The following ARHGEF11 variants were observed in gnomAD, a reference collection of about 807,000 sequenced individuals.
The protein encoded by ARHGEF11 is Rho guanine exchange factor (GEF) 11.
ARHGEF11 carries 55 observed loss-of-function variants against 193.7 expected under a neutral mutation model. The observed-to-expected ratio is 0.28, with a 90% CI of 0.23 to 0.36. The LOEUF is 0.36. Among genes scored for constraint, ARHGEF11 ranks in the 10% least tolerant of loss-of-function variants. ARHGEF11 has a pLI of 1.00. For missense variants in ARHGEF11, 1,723 were observed against 2,005.6 expected (o/e 0.86, Z 2.69); for synonymous variants, 693 against 768.0 (o/e 0.90, Z 1.62).
At chr1:157,002,200 C>T (rs1667299955) in intron 1 of ARHGEF11, among the ~76,000 whole-genome samples, 1 of 152,126 alleles carries the variant, frequency 6.6e-6, no homozygotes, top group Non-Finnish European at 1.5e-5. Context: ...AATGGACCAC[C>T]TCGAACAGGG....
rs533294460 is a variant in ARHGEF11, at chr1:156,957,803, C to T, written c.1515G>A (p.Glu505=). The T allele has an allele frequency of 1.0e-4, 167 of 1,614,118 alleles. 1 individual carries two copies. The South Asian group carries it at 1.8e-3, about 17-fold the overall frequency. The change falls in exon 18 of 41, where the codon GAG becomes GAA. Residue 505 remains glutamate, a synonymous_variant. Transcript: ENST00000368194. ...AALGDILSKY[E]EDRSAPMDFA... is the part of the protein sequence containing the mutation. ...ATAGACTTGCTTACCTCCTGTCTTC[C>T]TCATACTTGGACCTGGAATGGAAGA...
intron 25 of ARHGEF11, 143 bp downstream of exon 25, chr1:156,947,626 T>C (rs1393185036): frequency 1.5e-6 from 2 of 1,336,750 alleles, no homozygotes; most frequent in African/African-American, 1.5e-5. Context: ...AGGGGAACCT[T>C]ATAGCAACAG....
At chr1:156,970,396 T>C (rs903204835) in intron 8 of ARHGEF11, among the ~76,000 whole-genome samples, 12 of 152,062 alleles carry the variant, frequency 7.9e-5, no homozygotes, top group Admixed American at 3.3e-4. Context: ...ATATAAAAGG[T>C]TTACCTTTGG....
At chr1:157,022,219 G>A (rs1670067980) in intron 1 of ARHGEF11, among the ~76,000 whole-genome samples, 2 of 152,276 alleles carry the variant, frequency 1.3e-5, no homozygotes, top group South Asian at 2.1e-4. Flanking sequence ...AGCCATCCAC[G>A]TGGGAAAGGA....
chr1:156,948,410 G>T lies in ARHGEF11; in HGVS notation c.2014C>A (p.Arg672Ser). Residue 672 changes from arginine to serine, a missense_variant, in exon 23 of 41, where the codon CGC (arginine) becomes AGC (serine). Transcript: ENST00000368194. This position sits in a 1 kb window ranked among gnomAD's most constrained non-coding sequence, Gnocchi z 4.2. ...KRSRKAENVP[R>S]SRSDVDMDAA... is the part of the protein sequence containing the mutation. ...TCCATGTCAACATCACTGCGAGAGC[G>T]GGGCACGTTCTCTGCCTTTCGAGAC... is the stretch of plus-strand genomic sequence containing the variant. 1 of 1,614,224 alleles carries T rather than the reference G, an allele frequency of 6.2e-7. No homozygotes were observed. The highest frequency in any genetic ancestry group is 8.5e-7 in the Non-Finnish European group (1 of 1,180,044).
At chr1:156,961,888 G>A (rs769383845) in intron 13 of ARHGEF11, 113 bp from the exon 14 acceptor site, 92 of 853,990 alleles carry the variant, frequency 1.1e-4, no homozygotes, top group Non-Finnish European at 1.7e-4. Flanking sequence ...CAACTACTGG[G>A]CAAGTGCGGT....
chr1:156,976,950 C>G (rs373954945), intron 7 of ARHGEF11, 33 bp downstream of exon 7: 123 of 1,578,882 alleles, frequency 7.8e-5, no homozygotes, highest in Non-Finnish European at 1.0e-4. Context: ...TTCACTCAGG[C>G]AATGGCCAGT....
intron 7 of ARHGEF11, among the ~76,000 whole-genome samples, chr1:156,975,016 T>C (rs1049152586): frequency 2.0e-5 from 3 of 152,218 alleles, no homozygotes; most frequent in African/African-American, 7.2e-5. Flanking sequence ...TCAATTCTCT[T>C]GGATATATAC....
chr1:157,030,223 C>T (rs915362574), intron 1 of ARHGEF11, among the ~76,000 whole-genome samples: 1 of 152,182 alleles, frequency 6.6e-6, no homozygotes, highest in African/African-American at 2.4e-5. Context: ...CCATTTACTA[C>T]ACAGTCCCAG....
At chr1:156,996,164 A>C (rs1666457878) in intron 1 of ARHGEF11, among the ~76,000 whole-genome samples, 1 of 152,196 alleles carries the variant, frequency 6.6e-6, no homozygotes, top group Non-Finnish European at 1.5e-5. Flanking sequence ...GGAGAGTACC[A>C]CTGGTGACCC....
chr1:157,037,109 C>G (rs1326967466), intron 1 of ARHGEF11, among the ~76,000 whole-genome samples: 1 of 152,102 alleles, frequency 6.6e-6, no homozygotes, highest in Admixed American at 6.6e-5. Context: ...GCCTGCGTAA[C>G]AAGAGCAAAA....
rs1440429701 is a variant in ARHGEF11, at chr1:156,947,395, G to A, written c.2397C>T (p.Ile799=). The change falls in exon 26 of 41, where the codon ATC becomes ATT. Residue 799 remains isoleucine (I), a synonymous_variant. Coordinates refer to ENST00000368194, the MANE Select transcript of ARHGEF11 (RefSeq NM_198236.3). ...TCTCCTTCTTCATTCGCTGGTAGAAGATCAGGTCCAGGACCCGGAGTGTGC... is the reference window on the plus strand; with the variant it reads ...TCTCCTTCTTCATTCGCTGGTAGAAAATCAGGTCCAGGACCCGGAGTGTGC... ...HLRTLRVLDL[I]FYQRMKKENL... is the part of the protein sequence containing the mutation. The A allele has an allele frequency of 1.2e-6, 2 of 1,614,040 alleles. No individual in the cohort carries two copies. The highest frequency in any genetic ancestry group is 1.7e-5 in the Admixed American group (1 of 60,002).
At chr1:156,945,782 C>T (rs1178385770) in intron 29 of ARHGEF11, 1 of 395,864 alleles carries the variant, frequency 2.5e-6, no homozygotes, top group South Asian at 3.4e-5. Context: ...TGTTGGGCAC[C>T]GGATGCTTTC....
intron 37 of ARHGEF11, 158 bp from the exon 38 acceptor site, chr1:156,938,671 A>T (rs374735602): frequency 2.9e-5 from 17 of 596,358 alleles, no homozygotes; most frequent in African/African-American, 2.2e-4. Context: ...ATGACATCCC[A>T]GGCAGTGCAG....
chr1:156,975,397 G>A (rs1245347589), intron 7 of ARHGEF11, among the ~76,000 whole-genome samples: 1 of 152,050 alleles, frequency 6.6e-6, no homozygotes, highest in African/African-American at 2.4e-5. Context: ...TTTTTAAATT[G>A]GGTTGTCTTT....
intron 11 of ARHGEF11, among the ~76,000 whole-genome samples, chr1:156,965,843 T>C (rs919798868): frequency 1.3e-5 from 2 of 152,228 alleles, no homozygotes; most frequent in East Asian, 3.8e-4. Flanking sequence ...CAGATCACAC[T>C]GTGAAACTTC....
intron 7 of ARHGEF11, among the ~76,000 whole-genome samples, 170 bp from the exon 8 acceptor site, chr1:156,971,986 CAGAAAAAGATGTAAGTGATG>C (rs1412776019): frequency 2.0e-5 from 3 of 152,054 alleles, no homozygotes; most frequent in African/African-American, 7.2e-5. Flanking sequence ...CATTCAGGAT[CAGAAAAAGATGTAAGTGATG>C]AGAAAAAGAA....
intron 1 of ARHGEF11, among the ~76,000 whole-genome samples, chr1:156,990,225 A>C (rs889169499): frequency 1.3e-5 from 2 of 152,190 alleles, no homozygotes; most frequent in Admixed American, 6.5e-5. Flanking sequence ...AATCTTGTTG[A>C]ATGTCCTACA....
intron 33 of ARHGEF11, 139 bp from the exon 34 acceptor site, chr1:156,942,128 C>G (rs1657131134): frequency 8.2e-7 from 1 of 1,225,842 alleles, no homozygotes; most frequent in Non-Finnish European, 1.1e-6. Flanking sequence ...CCTGTACAGT[C>G]CTCCCTGGCT....
Sources: allele counts gnomAD v4.1 joint callset (sites outside exome capture counted in the v4.1 genomes callset), GRCh38; gene constraint gnomAD v4.1.1; non-coding constraint Gnocchi (gnomAD v3.1); transcripts MANE v1.5; gene names NCBI Gene and HGNC (gene_info 2026-07-23, HGNC 2026-07-21).